Variants in GLDC observed in about 807,000 individuals in gnomAD.
GLDC encodes the protein glycine dehydrogenase (decarboxylating), mitochondrial.
GLDC carries 104 observed loss-of-function variants against 121.3 expected under a neutral mutation model. The ratio of observed to expected loss-of-function variants is 0.86; its 90% CI spans 0.73 to 1.01. GLDC has a LOEUF of 1.01. Among genes scored for constraint, GLDC ranks in the 50% least tolerant of loss-of-function variants. GLDC has a pLI of 0.00. For missense variants in GLDC, 1,429 were observed against 1,306.6 expected, an observed-to-expected ratio of 1.09 and a Z score of -1.44; for synonymous variants, 546 against 480.6, an observed-to-expected ratio of 1.14 and a Z score of -1.78.
chr9:6,640,081 A>G (rs888260531), intron 2 of GLDC, among the ~76,000 whole-genome samples: 4 of 152,084 alleles, frequency 2.6e-5, no homozygotes, highest in Non-Finnish European at 4.4e-5. Flanking sequence ...ACAACCTCCA[A>G]TCAGAACACA....
intron 24 of GLDC, 36 bp from the exon 25 acceptor site, chr9:6,533,196 T>G: frequency 6.2e-7 from 1 of 1,605,938 alleles, no homozygotes. Context: ...CTGTGAGATG[T>G]TCTGGGAGGT....
At chr9:6,569,411 T>G (rs572376527) in intron 15 of GLDC, 11 of 152,354 alleles carry the variant, frequency 7.2e-5, no homozygotes, top group African/African-American at 2.2e-4. Flanking sequence ...CCCAGCACTT[T>G]GGGAGGCCGA....
At chr9:6,563,433 G>A (rs1587930310) in intron 16 of GLDC, among the ~76,000 whole-genome samples, 2 of 152,206 alleles carry the variant, frequency 1.3e-5, no homozygotes, top group East Asian at 1.9e-4. Flanking sequence ...CACAGGACAG[G>A]CTGCCCCTTT....
At chr9:6,573,040 T>C (rs1166507171) in intron 15 of GLDC, among the ~76,000 whole-genome samples, 1 of 152,236 alleles carries the variant, frequency 6.6e-6, no homozygotes, top group Non-Finnish European at 1.5e-5. Context: ...AAGCAAATTA[T>C]TCCTCTGGAT....
chr9:6,568,213 G>C (rs1380767047), intron 15 of GLDC, among the ~76,000 whole-genome samples: 3 of 151,768 alleles, frequency 2.0e-5, no homozygotes, highest in Non-Finnish European at 4.4e-5. Context: ...TCTCTCTCTG[G>C]CCTTAAACAT....
rs1817035981 is a variant in GLDC, at chr9:6,533,121, C to T, written c.2959G>A (p.Ala987Thr). 1.2e-6 allele frequency: 2 copies of T among 1,612,942 alleles called. No individual in the cohort carries two copies. Among genetic ancestry groups the T allele is most frequent in the Non-Finnish European group, 1.7e-6 (2 of 1,178,998 alleles). The change falls in exon 25 of 25, where the codon GCC becomes ACC. Residue 987 changes from alanine to threonine, a missense_variant. By Grantham distance (58) the Ala-to-Thr change is moderately conservative. Transcript: ENST00000321612. ...TCTCCATATATGTCATCAATCCGGG[C>T]AATCGTTGGCCAGAATTTGTTCTCT... Reference protein sequence around the residue: ...KPENKFWPTIARIDDIYGDQH... With the variant: ...KPENKFWPTITRIDDIYGDQH...
chr9:6,588,315 C>T, intron 14 of GLDC, 86 bp downstream of exon 14: 1 of 883,002 alleles, frequency 1.1e-6, no homozygotes, highest in South Asian at 1.3e-5. Flanking sequence ...ATCACAGTCC[C>T]AGTAGATTTC....
chr9:6,576,920 G>A (rs10511461), intron 15 of GLDC, among the ~76,000 whole-genome samples: 26,443 of 152,100 alleles, frequency 0.17, 2,693 homozygotes, highest in East Asian at 0.44. Context: ...ACATGACTTG[G>A]TAGGAAGCCA....
intron 19 of GLDC, 65 bp downstream of exon 19, chr9:6,554,604 C>G: frequency 9.3e-7 from 1 of 1,077,150 alleles, no homozygotes; most frequent in Non-Finnish European, 1.4e-6. Context: ...GATGAGTAGT[C>G]TATTTAGGGC....
intron 8 of GLDC, among the ~76,000 whole-genome samples, chr9:6,600,535 G>A (rs1818584092): frequency 6.6e-6 from 1 of 152,144 alleles, no homozygotes; most frequent in Middle Eastern, 3.4e-3. Context: ...AATTATCTGG[G>A]TGTGGTGGCC....
intron 9 of GLDC, chr9:6,593,203 C>G: frequency 3.7e-6 from 2 of 546,416 alleles, no homozygotes; most frequent in Admixed American, 6.3e-5. Context: ...AATCAACATA[C>G]AATTGCATTA....
intron 2 of GLDC, among the ~76,000 whole-genome samples, chr9:6,642,790 G>A (rs969837232): frequency 6.6e-6 from 1 of 152,080 alleles, no homozygotes; most frequent in African/African-American, 2.4e-5. Flanking sequence ...AAAGTCTCAG[G>A]AAGGGATTCA....
At chr9:6,639,670 T>TAAAA (rs1819589292) in intron 2 of GLDC, 1 of 112,568 alleles carries the variant, frequency 8.9e-6, no homozygotes, top group Non-Finnish European at 1.5e-5. Flanking sequence ...AAAAAAAAAG[T>TAAAA]ATATATATAT....
chr9:6,600,250 C>T (rs1447344122), intron 8 of GLDC, among the ~76,000 whole-genome samples: 1 of 152,038 alleles, frequency 6.6e-6, no homozygotes. Flanking sequence ...TACCCATAGT[C>T]CCAGCTACTT....
At chr9:6,593,079 C>A (rs1818410123) in intron 9 of GLDC, 89 bp from the exon 10 acceptor site, 13 of 1,382,402 alleles carry the variant, frequency 9.4e-6, no homozygotes, top group Non-Finnish European at 1.2e-5. Flanking sequence ...GAGATAAATT[C>A]TACTAGACTC....
At chr9:6,602,964 A>G (rs555728828) in intron 7 of GLDC, among the ~76,000 whole-genome samples, 14 of 152,308 alleles carry the variant, frequency 9.2e-5, no homozygotes, top group South Asian at 2.1e-4. Context: ...ATGGTGGCTC[A>G]TGTCTATAAT....
At position 6,642,737 on chromosome 9, in the gene GLDC, T is replaced by C. The variant is rs546247970; in HGVS notation, c.334+1877A>G. ...GAAAAGAACACTTTATTTTAGAGTATATATATTATAAAAATAGCTAACCTA... is the reference window on the plus strand; with the variant it reads ...GAAAAGAACACTTTATTTTAGAGTACATATATTATAAAAATAGCTAACCTA... On this transcript the variant is annotated intron_variant, in intron 2 of 24. Coordinates refer to ENST00000321612, the MANE Select transcript of GLDC (RefSeq NM_000170.3). 1.2e-4 allele frequency among the ~76,000 whole-genome samples: 19 copies of C among 152,170 alleles called. No individual in the cohort carries two copies. The South Asian group carries it at 3.7e-3, about 30-fold the overall frequency.
chr9:6,597,630 G>C (rs182529051), intron 8 of GLDC, among the ~76,000 whole-genome samples: 1 of 152,244 alleles, frequency 6.6e-6, no homozygotes, highest in Admixed American at 6.5e-5. Flanking sequence ...CATTGTGGTA[G>C]AAGCTAAGAA....
At chr9:6,550,551 C>T (rs866344956) in intron 21 of GLDC, among the ~76,000 whole-genome samples, 9 of 152,082 alleles carry the variant, frequency 5.9e-5, no homozygotes, top group African/African-American at 1.7e-4. Context: ...CGCTTGAACC[C>T]GGGAGGCAGA....
Sources: gnomAD v4.1 joint callset for allele counts (sites outside exome capture counted in the v4.1 genomes callset) on GRCh38, gnomAD v4.1.1 for gene constraint, MANE v1.5 for transcripts, NCBI Gene and HGNC (gene_info 2026-07-23, HGNC 2026-07-21) for gene names.